The following GRIA4 variants were observed in gnomAD, a reference collection of about 807,000 sequenced individuals.
GRIA4 encodes the protein glutamate ionotropic receptor AMPA type subunit 4.
A neutral mutation model predicts 104.0 loss-of-function variants in GRIA4; 34 were observed. That is an observed-to-expected ratio of 0.33 (90% CI 0.25 to 0.44). The LOEUF (loss-of-function observed/expected upper bound fraction) is 0.44. Among genes scored for constraint, GRIA4 ranks in the 20% least tolerant of loss-of-function variants. The pLI, the probability that GRIA4 is intolerant of heterozygous loss-of-function variation, is 1.00. For synonymous variants in GRIA4, 386 were observed against 381.9 expected, an observed-to-expected ratio of 1.01 and a Z score of -0.13; for missense variants, 750 against 1,096.5, an observed-to-expected ratio of 0.68 and a Z score of 4.46.
At chr11:105,619,311 A>G (rs1282604543) in intron 3 of GRIA4, among the ~76,000 whole-genome samples, 6 of 151,986 alleles carry the variant, frequency 3.9e-5, no homozygotes, top group African/African-American at 1.2e-4. Flanking sequence ...TTTTATGAAT[A>G]TTAGAAAATA....
At chr11:105,907,162 C>T (rs974958419) in intron 9 of GRIA4, among the ~76,000 whole-genome samples, 1 of 152,072 alleles carries the variant, frequency 6.6e-6, no homozygotes, top group Non-Finnish European at 1.5e-5. Flanking sequence ...CTTTTCATAG[C>T]CTATTGAACC....
chr11:105,719,087 A>G (rs1364656125), intron 3 of GRIA4, among the ~76,000 whole-genome samples: 1 of 152,108 alleles, frequency 6.6e-6, no homozygotes, highest in Admixed American at 6.6e-5. Flanking sequence ...CATTTTAACT[A>G]TACAGTGTTG....
At chr11:105,813,495 T>C (rs964479784) in intron 4 of GRIA4, among the ~76,000 whole-genome samples, 2 of 152,148 alleles carry the variant, frequency 1.3e-5, no homozygotes, top group African/African-American at 2.4e-5. Context: ...GCAATCAATA[T>C]TTTCCCGTGA....
chr11:105,976,910 C>T (rs1412991436), intron 16 of GRIA4, among the ~76,000 whole-genome samples: 2 of 151,850 alleles, frequency 1.3e-5, no homozygotes, highest in African/African-American at 4.8e-5. Flanking sequence ...AATGCTAAAA[C>T]AGATTTAAAG....
intron 5 of GRIA4, among the ~76,000 whole-genome samples, chr11:105,868,876 A>C (rs1945519809): frequency 6.6e-6 from 1 of 152,156 alleles, no homozygotes; most frequent in Non-Finnish European, 1.5e-5. Context: ...ATCTACAACA[A>C]AGTAAGAAGA....
intron 3 of GRIA4, among the ~76,000 whole-genome samples, chr11:105,661,876 C>A (rs1952021235): frequency 6.6e-6 from 1 of 151,580 alleles, no homozygotes; most frequent in Non-Finnish European, 1.5e-5. Context: ...TTTGTTTTTT[C>A]TTAATCACGC....
chr11:105,688,778 A>T (rs1488860781), intron 3 of GRIA4, among the ~76,000 whole-genome samples: 1 of 152,178 alleles, frequency 6.6e-6, no homozygotes, highest in Non-Finnish European at 1.5e-5. Flanking sequence ...CTGCTATGGT[A>T]AAGAGATTCT....
intron 4 of GRIA4, among the ~76,000 whole-genome samples, chr11:105,801,096 GA>G (rs1942701835): frequency 6.6e-6 from 1 of 151,284 alleles, no homozygotes; most frequent in Non-Finnish European, 1.5e-5. Context: ...GGAAAACCCA[GA>G]ATAACAACCT....
intron 4 of GRIA4, among the ~76,000 whole-genome samples, chr11:105,859,796 C>A (rs1024112697): frequency 6.6e-6 from 1 of 151,544 alleles, no homozygotes; most frequent in African/African-American, 2.4e-5. Context: ...AAAAGTAATA[C>A]GTCAATTGGT....
chr11:105,765,401 G>C (rs1940885502), intron 4 of GRIA4, among the ~76,000 whole-genome samples: 1 of 152,200 alleles, frequency 6.6e-6, no homozygotes, highest in Admixed American at 6.5e-5. Context: ...AAGTATGTAA[G>C]AGTCATCTAC....
chr11:105,974,480 C>T, intron 16 of GRIA4, 36 bp downstream of exon 16: 9 of 1,613,712 alleles, frequency 5.6e-6, no homozygotes, highest in Non-Finnish European at 7.6e-6. Context: ...ACCCAACTTC[C>T]TCGCAGAATA....
rs927995418 is a variant in GRIA4 at position 105,918,883 on chromosome 11, A to G, written c.1441A>G (p.Ile481Val). 8.7e-6 allele frequency: 14 copies of G among 1,610,966 alleles called. No homozygotes were observed. Among genetic ancestry groups the G allele is most frequent in the African/African-American group, 1.3e-5 (1 of 74,856 alleles). ...KYGARDADTK[I>V]WNGMVGELVY... The stretch of plus-strand genomic sequence containing the variant: ...TGGAGCAAGGGATGCAGACACAAAA[A>G]TCTGGAATGGGATGGTAGGAGAACT... The change falls in exon 11 of 17, where the codon ATC becomes GTC. Residue 481 changes from isoleucine (I) to valine (V), a missense_variant. Ile to Val is a conservative substitution (Grantham distance 29). Coordinates refer to ENST00000282499, the MANE Select transcript of GRIA4 (RefSeq NM_000829.4).
chr11:105,962,498 C>T (rs1047324407), intron 14 of GRIA4, among the ~76,000 whole-genome samples: 1 of 152,092 alleles, frequency 6.6e-6, no homozygotes, highest in Non-Finnish European at 1.5e-5. Flanking sequence ...TTTTCATAAC[C>T]TAACTCATTT....
At chr11:105,710,202 G>A (rs1423143226) in intron 3 of GRIA4, among the ~76,000 whole-genome samples, 3 of 151,994 alleles carry the variant, frequency 2.0e-5, no homozygotes, top group Admixed American at 6.6e-5. Context: ...ACCTTGCTGC[G>A]ATACATGTCC....
At chr11:105,749,892 A>G (rs12288055) in intron 3 of GRIA4, among the ~76,000 whole-genome samples, 22,316 of 152,182 alleles carry the variant, frequency 0.15, 1,845 homozygotes, top group Admixed American at 0.23. Context: ...AATATAGAGC[A>G]ATCTAATATC....
intron 11 of GRIA4, among the ~76,000 whole-genome samples, chr11:105,919,610 G>T (rs967991756): frequency 6.6e-6 from 1 of 152,048 alleles, no homozygotes; most frequent in Non-Finnish European, 1.5e-5. Flanking sequence ...ATAGCTGAAG[G>T]CAAATACAAC....
At chr11:105,639,858 G>C (rs912035723) in intron 3 of GRIA4, among the ~76,000 whole-genome samples, 1 of 151,866 alleles carries the variant, frequency 6.6e-6, no homozygotes, top group Non-Finnish European at 1.5e-5. Context: ...ACTTTGAATA[G>C]AGCAGTAAAC....
At chr11:105,837,619 G>A (rs1332464852) in intron 4 of GRIA4, among the ~76,000 whole-genome samples, 2 of 152,080 alleles carry the variant, frequency 1.3e-5, no homozygotes, top group Non-Finnish European at 2.9e-5. Flanking sequence ...TTGGAAATCA[G>A]AAGGCAAAGG....
chr11:105,840,276 C>T (rs1944345369), intron 4 of GRIA4, among the ~76,000 whole-genome samples: 1 of 152,104 alleles, frequency 6.6e-6, no homozygotes. Flanking sequence ...TTATAAACCA[C>T]TGGACACTTG....
Sources: gnomAD v4.1 joint callset for allele counts (sites outside exome capture counted in the v4.1 genomes callset) on GRCh38, gnomAD v4.1.1 for gene constraint, MANE v1.5 for transcripts, NCBI Gene and HGNC (gene_info 2026-07-23, HGNC 2026-07-21) for gene names.